Variants in ABLIM2 observed in about 807,000 individuals in gnomAD.
ABLIM2 encodes actin-binding LIM protein 2.
Under a neutral mutation model 97.7 loss-of-function variants are expected in ABLIM2, and 53 were observed. The ratio of observed to expected loss-of-function variants is 0.54; its 90% confidence interval spans 0.44 to 0.68. ABLIM2 has a LOEUF of 0.68. Ranked by LOEUF, ABLIM2 falls within the 30% of genes least tolerant of loss-of-function variation. The pLI is 0.00. For synonymous variants in ABLIM2, 361 were observed against 345.8 expected (o/e 1.04, Z -0.49); for missense variants, 835 against 867.2 (o/e 0.96, Z 0.47).
intron 14 of ABLIM2, among the ~76,000 whole-genome samples, chr4:8,012,696 T>C (rs145732822): frequency 1.7e-3 from 256 of 151,600 alleles, no homozygotes; most frequent in African/African-American, 5.9e-3. Flanking sequence ...CTTATTTTGA[T>C]ATTTATTCAT....
Position 8,127,795 on chromosome 4 carries a change from G to C in ABLIM2, c.11-21158C>G. 2 of 863,246 alleles carry C rather than the reference G, an allele frequency of 2.3e-6. No individual in the cohort carries two copies. The highest frequency in any genetic ancestry group is 2.8e-6 in the Non-Finnish European group (2 of 719,382). 53.5% of individuals were successfully genotyped at this position (863,246 alleles called of 1,614,324 possible). On this transcript the variant is annotated intron_variant, in intron 1 of 20. Coordinates refer to ENST00000447017, the MANE Select transcript of ABLIM2 (RefSeq NM_001130083.2). The surrounding 1 kb of genome is among the most constrained non-coding windows in gnomAD (Gnocchi z 7.3). Reference sequence around the variant, plus strand: ...TAGACTCCCGCCACACTATGCGCCAGAGACACACCTGTCTCCCAGGCATCC... The same window carrying C: ...TAGACTCCCGCCACACTATGCGCCACAGACACACCTGTCTCCCAGGCATCC...
At chr4:8,025,816 C>A (rs1342334082) in intron 12 of ABLIM2, among the ~76,000 whole-genome samples, 1 of 151,852 alleles carries the variant, frequency 6.6e-6, no homozygotes, top group African/African-American at 2.4e-5. Flanking sequence ...AGCCGGGTGT[C>A]CAGGGCCTCC....
chr4:8,097,320 G>A (rs1363309402), intron 2 of ABLIM2, 38 bp from the exon 3 acceptor site: 2 of 1,547,602 alleles, frequency 1.3e-6, no homozygotes, highest in Admixed American at 2.0e-5. Flanking sequence ...AGCGGCAGAG[G>A]GGACCATCTC....
At chr4:8,051,965 C>G (rs1579877805) in intron 8 of ABLIM2, among the ~76,000 whole-genome samples, 1 of 152,354 alleles carries the variant, frequency 6.6e-6, no homozygotes, top group East Asian at 1.9e-4. Context: ...CTGGTATCCA[C>G]CCCACTTGGG....
intron 7 of ABLIM2, among the ~76,000 whole-genome samples, chr4:8,057,407 G>A (rs75957575): frequency 0.025 from 3,782 of 152,198 alleles, 79 homozygotes; most frequent in Admixed American, 0.067. Context: ...TCTTTCTAAC[G>A]TTTTATTTAT....
Position 8,054,109 on chromosome 4 carries a change from G to C in ABLIM2, c.822+79C>G. The C allele has an allele frequency of 6.6e-7, 1 of 1,508,572 alleles. No homozygotes were observed. Among genetic ancestry groups the C allele is most frequent in the South Asian group, 1.1e-5 (1 of 88,520 alleles). The allele number at this position is 1,508,572 out of a possible 1,614,324, so 93.4% of individuals were successfully genotyped here. A position where few individuals can be genotyped will look rare whatever the true frequency, so the allele number is the denominator to read the frequency against. On this transcript the variant is annotated intron_variant, in intron 8 of 20. Transcript: ENST00000447017. The surrounding 1 kb of genome is among the most constrained non-coding windows in gnomAD (Gnocchi z 4.9). ...CTGGACAATGAGCCTGTAGAATCTG[G>C]TCAGTGTCCTCTTAACTGTACAAAG...
At chr4:8,081,680 C>CTGAGTCTTCCTG (rs1318020642) in intron 4 of ABLIM2, among the ~76,000 whole-genome samples, 2 of 152,156 alleles carry the variant, frequency 1.3e-5, no homozygotes, top group Non-Finnish European at 2.9e-5. Flanking sequence ...TGTATGTCAC[C>CTGAGTCTTCCTG]TGAGTCTTCC....
chr4:8,079,916 A>G (rs2152434408), intron 5 of ABLIM2, among the ~76,000 whole-genome samples: 1 of 152,298 alleles, frequency 6.6e-6, no homozygotes, highest in South Asian at 2.1e-4. Context: ...GCTCCCAGGA[A>G]GGGGCCCTCT....
intron 1 of ABLIM2, among the ~76,000 whole-genome samples, chr4:8,142,475 G>A (rs565720920): frequency 6.6e-6 from 1 of 152,288 alleles, no homozygotes; most frequent in Admixed American, 6.5e-5. Flanking sequence ...TGCCCTCCCT[G>A]GCCCAGGAGT....
At position 8,158,784 on chromosome 4, in the gene ABLIM2, G is replaced by C; in HGVS notation, c.-95C>G. On this transcript the variant is annotated 5_prime_UTR_variant, in exon 1 of 21. Coordinates refer to ENST00000447017, the MANE Select transcript of ABLIM2 (RefSeq NM_001130083.2). The stretch of plus-strand genomic sequence containing the variant: ...CGCCCGCGCTATCCTCCGCCCGCCC[G>C]CCGGCTCCGCGCCCGCTCCTTGCGC... The C allele has an allele frequency of 8.7e-7, 1 of 1,143,998 alleles. No individual in the cohort carries two copies. Among genetic ancestry groups the C allele is most frequent in the Non-Finnish European group, 1.1e-6 (1 of 907,940 alleles). 70.9% of individuals were successfully genotyped at this position (1,143,998 alleles called of 1,614,324 possible). A position where few individuals can be genotyped will look rare whatever the true frequency, so the allele number is the denominator to read the frequency against.
intron 20 of ABLIM2, among the ~76,000 whole-genome samples, chr4:7,968,339 G>A (rs1194062843): frequency 1.3e-5 from 2 of 152,226 alleles, no homozygotes; most frequent in South Asian, 2.1e-4. Context: ...ACAGACACCC[G>A]GAGGAATGGA....
Position 8,095,302 on chromosome 4 carries a change from C to CTA in ABLIM2, c.338+1795_338+1796dup, listed in dbSNP as rs1830966615. Among the ~76,000 whole-genome samples the CTA allele has an allele frequency of 6.6e-6, 1 of 152,052 alleles. No individual in the cohort carries two copies. The highest frequency in any genetic ancestry group is 2.1e-4 in the South Asian group (1 of 4,814). On this transcript the variant is annotated intron_variant, in intron 3 of 20. Transcript: ENST00000447017. This position sits in a 1 kb window ranked among gnomAD's most constrained non-coding sequence, Gnocchi z 4.7. Reference sequence around the variant, plus strand: ...AATTTTTTGTAGAGACAGGGTCTTGCTATGTCACGCAGGCTGATCTTGAAC... The same window carrying CTA: ...AATTTTTTGTAGAGACAGGGTCTTGCTATATGTCACGCAGGCTGATCTTGAAC...
chr4:8,111,368 C>T (rs973073048), intron 1 of ABLIM2, among the ~76,000 whole-genome samples: 9 of 152,198 alleles, frequency 5.9e-5, no homozygotes, highest in Non-Finnish European at 7.3e-5. Context: ...TTAGCAGTGA[C>T]GCTGCTCTGG....
chr4:7,990,900 A>C (rs1354163780), intron 17 of ABLIM2, among the ~76,000 whole-genome samples: 5 of 152,226 alleles, frequency 3.3e-5, no homozygotes, highest in African/African-American at 1.2e-4. Context: ...TCCCAAAGCA[A>C]AGTCATTAAT....
At position 7,992,540 on chromosome 4, in the gene ABLIM2, G is replaced by A. The variant is rs1749715856; in HGVS notation, c.1680+326C>T. ...ATCAGGCTCTGTGCCATAGGAGGAC[G>A]AAGACGGTTAGGAGGGGCATCTTGG... On this transcript the variant is annotated intron_variant, in intron 17 of 20. Coordinates refer to ENST00000447017, the MANE Select transcript of ABLIM2 (RefSeq NM_001130083.2). The surrounding 1 kb of genome is among the most constrained non-coding windows in gnomAD (Gnocchi z 5.7). 6.6e-6 allele frequency among the ~76,000 whole-genome samples: 1 copy of A among 152,100 alleles called. No homozygotes were observed. The highest frequency in any genetic ancestry group is 1.5e-5 in the Non-Finnish European group (1 of 68,014).
intron 3 of ABLIM2, among the ~76,000 whole-genome samples, chr4:8,091,538 ATATATAATATT>A: frequency 6.3e-5 from 2 of 31,766 alleles, no homozygotes; most frequent in East Asian, 8.6e-4. Flanking sequence ...ATATAAAATT[ATATATAATATT>A]TATAATTATA....
chr4:8,013,219 CTTTTTT>C (rs60424207), intron 14 of ABLIM2, among the ~76,000 whole-genome samples: 25 of 110,618 alleles, frequency 2.3e-4, no homozygotes, highest in African/African-American at 2.9e-4. Flanking sequence ...AACATTTTTC[CTTTTTT>C]TTTTTTTTTT....
In ABLIM2 at chr4:8,046,607, C is replaced by A. The variant is rs543227303; in HGVS notation, c.823-1366G>T. On this transcript the variant is annotated intron_variant, in intron 8 of 20. Coordinates refer to ENST00000447017, the MANE Select transcript of ABLIM2 (RefSeq NM_001130083.2). This position sits in a 1 kb window ranked among gnomAD's most constrained non-coding sequence, Gnocchi z 4.4. ...TTCTGAGTAGACCCTTTTCTTGCCACCCCCAACAATTCTGTCCTGCCCATT... is the reference window on the plus strand; with the variant it reads ...TTCTGAGTAGACCCTTTTCTTGCCAACCCCAACAATTCTGTCCTGCCCATT... Among the ~76,000 whole-genome samples, 22 of 152,150 alleles carry A rather than the reference C, an allele frequency of 1.4e-4. No homozygotes were observed. The highest frequency in any genetic ancestry group is 5.3e-4 in the African/African-American group (22 of 41,438).
chr4:8,108,191 G>C (rs1195720699), intron 1 of ABLIM2, among the ~76,000 whole-genome samples: 1 of 152,212 alleles, frequency 6.6e-6, no homozygotes, highest in Non-Finnish European at 1.5e-5. Context: ...GGGACGCAGG[G>C]GCAGAGGCAC....
Sources: gnomAD v4.1 joint callset for allele counts (sites outside exome capture counted in the v4.1 genomes callset) on GRCh38, gnomAD v4.1.1 for gene constraint, Gnocchi (gnomAD v3.1) non-coding constraint, MANE v1.5 for transcripts, NCBI Gene and HGNC (gene_info 2026-07-23, HGNC 2026-07-21) for gene names.